The following TNFSF4 variants were observed in gnomAD, a reference collection of about 807,000 sequenced individuals.
TNFSF4 encodes the protein tumor necrosis factor ligand superfamily member 4.
Under a neutral mutation model 7.3 loss-of-function variants are expected in TNFSF4, and 4 were observed. The ratio of observed to expected loss-of-function variants is 0.55; its 90% confidence interval spans 0.27 to 1.25. The LOEUF (loss-of-function observed/expected upper bound fraction) is 1.25. Among genes scored for constraint, TNFSF4 ranks in the 50% most tolerant of loss-of-function variants. The pLI is 0.12. For missense variants in TNFSF4, 181 were observed against 208.8 expected (o/e 0.87, Z 0.82); for synonymous variants, 76 against 83.7 (o/e 0.91, Z 0.50).
chr1:173,223,680 T>C, the TNFSF4 span, among the ~76,000 whole-genome samples: 1 of 152,238 alleles, frequency 6.6e-6, no homozygotes, highest in Non-Finnish European at 1.5e-5. Flanking sequence ...TCCTTGTGTA[T>C]TACTTTGTTG....
At chr1:173,248,466 GAAAA>G in the TNFSF4 span, among the ~76,000 whole-genome samples, 2 of 137,498 alleles carry the variant, frequency 1.5e-5, no homozygotes, top group African/African-American at 2.7e-5. Flanking sequence ...GAGAAAGAAA[GAAAA>G]AGAAAGAAGG....
chr1:173,247,397 G>A, the TNFSF4 span, among the ~76,000 whole-genome samples: 2 of 152,208 alleles, frequency 1.3e-5, no homozygotes, highest in Non-Finnish European at 2.9e-5. Flanking sequence ...AGATACATCT[G>A]AGCTGAGTTT....
At chr1:173,192,856 G>A (rs1649541526) in intron 1 of TNFSF4, among the ~76,000 whole-genome samples, 1 of 152,164 alleles carries the variant, frequency 6.6e-6, no homozygotes, top group African/African-American at 2.4e-5. Flanking sequence ...ATATCAGAGA[G>A]TTGTAAAGTT....
chr1:173,284,224 T>C, the TNFSF4 span, among the ~76,000 whole-genome samples: 1 of 152,194 alleles, frequency 6.6e-6, no homozygotes, highest in East Asian at 1.9e-4. Flanking sequence ...TGACAGGCAC[T>C]GAGTTCAACT....
chr1:173,328,896 C>T, the TNFSF4 span, among the ~76,000 whole-genome samples: 2 of 152,178 alleles, frequency 1.3e-5, no homozygotes, highest in African/African-American at 4.8e-5. Flanking sequence ...ATGTCTTGTG[C>T]CCTTTGGCCC....
chr1:173,354,561 C>G, the TNFSF4 span, among the ~76,000 whole-genome samples: 1 of 152,148 alleles, frequency 6.6e-6, no homozygotes, highest in African/African-American at 2.4e-5. Flanking sequence ...AGGCCAATAT[C>G]CTGTTTTATG....
At chr1:173,242,689 C>G in the TNFSF4 span, among the ~76,000 whole-genome samples, 1 of 151,884 alleles carries the variant, frequency 6.6e-6, no homozygotes, top group Non-Finnish European at 1.5e-5. Flanking sequence ...TGACAATGGG[C>G]AAATAGTCAG....
At chr1:173,255,273 T>C in the TNFSF4 span, among the ~76,000 whole-genome samples, 1 of 152,224 alleles carries the variant, frequency 6.6e-6, no homozygotes, top group Admixed American at 6.5e-5. Context: ...ACTTTAATGC[T>C]CCCTAAAGTT....
At chr1:173,338,907 CA>C in the TNFSF4 span, among the ~76,000 whole-genome samples, 1 of 152,072 alleles carries the variant, frequency 6.6e-6, no homozygotes, top group East Asian at 1.9e-4. Context: ...ACCTGGCTAC[CA>C]AAAGGAAATC....
chr1:173,370,015 AC>A, the TNFSF4 span, among the ~76,000 whole-genome samples: 3 of 151,998 alleles, frequency 2.0e-5, no homozygotes, highest in Admixed American at 2.0e-4. Context: ...TCTCCAAGGG[AC>A]CACAGAAAAC....
At chr1:173,374,439 C>T in the TNFSF4 span, among the ~76,000 whole-genome samples, 1 of 152,038 alleles carries the variant, frequency 6.6e-6, no homozygotes, top group East Asian at 1.9e-4. Context: ...TTAGATTCAC[C>T]ACACCGGAGT....
the TNFSF4 span, among the ~76,000 whole-genome samples, chr1:173,367,542 C>G: frequency 2.6e-5 from 4 of 152,286 alleles, no homozygotes; most frequent in African/African-American, 9.6e-5. Flanking sequence ...GGACTTTTGA[C>G]AGAGGAGAAG....
chr1:173,264,281 G>A, the TNFSF4 span, among the ~76,000 whole-genome samples: 4 of 150,998 alleles, frequency 2.6e-5, no homozygotes, highest in Non-Finnish European at 2.9e-5. Flanking sequence ...CCAAGTAGCT[G>A]GGACCACAGG....
the TNFSF4 span, among the ~76,000 whole-genome samples, chr1:173,440,267 T>C: frequency 2.9e-4 from 44 of 152,282 alleles, 2 homozygotes; most frequent in South Asian, 4.8e-3. Flanking sequence ...CATGACATAT[T>C]TTGTTAATAT....
intron 1 of TNFSF4, among the ~76,000 whole-genome samples, chr1:173,204,659 T>A (rs2102001363): frequency 6.6e-6 from 1 of 152,250 alleles, no homozygotes; most frequent in Admixed American, 6.5e-5. Context: ...GCATTTCAGC[T>A]CTATTTCACC....
chr1:173,308,283 CTCTG>C, the TNFSF4 span, among the ~76,000 whole-genome samples: 103 of 132,600 alleles, frequency 7.8e-4, no homozygotes, highest in Middle Eastern at 3.6e-3. Context: ...CTCTCTCTCT[CTCTG>C]TGTGTGTGTG....
chr1:173,414,884 A>T, the TNFSF4 span, among the ~76,000 whole-genome samples: 1 of 152,338 alleles, frequency 6.6e-6, no homozygotes, highest in Non-Finnish European at 1.5e-5. Context: ...ACCAAACTTT[A>T]GTCGGGTTCC....
chr1:173,308,636 A>T, the TNFSF4 span, among the ~76,000 whole-genome samples: 4 of 151,940 alleles, frequency 2.6e-5, no homozygotes, highest in South Asian at 6.2e-4. Context: ...AACAATAATA[A>T]TTTTTTTATT....
At chr1:173,258,379 C>T in the TNFSF4 span, among the ~76,000 whole-genome samples, 7 of 152,122 alleles carry the variant, frequency 4.6e-5, no homozygotes, top group African/African-American at 1.7e-4. Context: ...CAGATTAGCA[C>T]AGGGCAAGGG....
Sources: allele counts gnomAD v4.1 joint callset (sites outside exome capture counted in the v4.1 genomes callset), GRCh38; gene constraint gnomAD v4.1.1; transcripts MANE v1.5; gene names NCBI Gene and HGNC (gene_info 2026-07-23, HGNC 2026-07-21).